Variants in PCDHGB5 observed in about 807,000 individuals in gnomAD.
The protein encoded by PCDHGB5 is protocadherin gamma subfamily B, 5.
A neutral mutation model predicts 62.9 loss-of-function variants in PCDHGB5; 48 were observed. That is an observed-to-expected ratio of 0.76 (90% CI 0.61 to 0.97). The LOEUF (loss-of-function observed/expected upper bound fraction) is 0.97. Among genes scored for constraint, PCDHGB5 ranks in the 50% least tolerant of loss-of-function variants. PCDHGB5 has a pLI of 0.00. For missense variants in PCDHGB5, 1,118 were observed against 1,198.6 expected (o/e 0.93, Z 0.99); for synonymous variants, 474 against 511.2 (o/e 0.93, Z 0.98).
intron 1 of PCDHGB5, among the ~76,000 whole-genome samples, chr5:141,425,915 C>G (rs537499239): frequency 1.3e-5 from 2 of 152,336 alleles, no homozygotes; most frequent in East Asian, 3.9e-4. Context: ...AAAACAGTCA[C>G]TACGAAAACT....
At chr5:141,494,365 C>A (rs193174055) in intron 1 of PCDHGB5, among the ~76,000 whole-genome samples, 20 of 152,290 alleles carry the variant, frequency 1.3e-4, no homozygotes, top group Non-Finnish European at 2.2e-4. Context: ...GCAGAGGATG[C>A]TTTGTTCCCA....
chr5:141,400,928 G>T (rs1365073405), intron 1 of PCDHGB5, among the ~76,000 whole-genome samples: 1 of 152,154 alleles, frequency 6.6e-6, no homozygotes, highest in African/African-American at 2.4e-5. Flanking sequence ...ACTGCTAGTA[G>T]ATGTCTTTCT....
At chr5:141,409,761 T>C (rs1373037367) in intron 1 of PCDHGB5, 1 of 1,612,966 alleles carries the variant, frequency 6.2e-7, no homozygotes, top group African/African-American at 1.3e-5. Flanking sequence ...CAGCGCGCCT[T>C]TGATCACGAG....
Position 141,431,858 on chromosome 5 carries a change from G to A in PCDHGB5, c.2397+31334G>A, listed in dbSNP as rs1421209596. The A allele has an allele frequency of 1.1e-5, 17 of 1,614,198 alleles. No individual in the cohort carries two copies. Among genetic ancestry groups the A allele is most frequent in the Non-Finnish European group, 1.4e-5 (17 of 1,180,020 alleles). On this transcript the variant is annotated intron_variant, in intron 1 of 3. Coordinates refer to ENST00000617380, the MANE Select transcript of PCDHGB5 (RefSeq NM_018925.3). The surrounding 1 kb of genome is among the most constrained non-coding windows in gnomAD (Gnocchi z 4.8). ...AAACTCTCCCAGAGGGACATTAATTGCCCTTTTAAATGTAAATGACCAAGA... is the reference window on the plus strand; with the variant it reads ...AAACTCTCCCAGAGGGACATTAATTACCCTTTTAAATGTAAATGACCAAGA...
Position 141,478,335 on chromosome 5 carries a change from C to T in PCDHGB5, c.2398-16472C>T, listed in dbSNP as rs202213361. On this transcript the variant is annotated intron_variant, in intron 1 of 3. Coordinates refer to ENST00000617380, the MANE Select transcript of PCDHGB5 (RefSeq NM_018925.3). ...AGCTCACTGTACCGAACACCAGGGC[C>T]CTCCTTGCACGCGGACGCCGTGCGG... 4.7e-5 allele frequency: 76 copies of T among 1,613,822 alleles called. No individual in the cohort carries two copies. The highest frequency in any genetic ancestry group is 6.1e-5 in the Non-Finnish European group (72 of 1,180,028).
chr5:141,404,533 T>A, intron 1 of PCDHGB5: 2 of 1,613,926 alleles, frequency 1.2e-6, no homozygotes. Flanking sequence ...AGTTTAGAGA[T>A]TTGCAAATGC....
rs57426385 is a variant in PCDHGB5 at position 141,415,740 on chromosome 5, G to GTTTTT, written c.2397+15244_2397+15248dup. 865 of 624,308 alleles carry GTTTTT rather than the reference G, an allele frequency of 1.4e-3. 3 individuals carry two copies. Among genetic ancestry groups the GTTTTT allele is most frequent in the South Asian group, 2.2e-3 (75 of 34,868 alleles). The allele number at this position is 624,308 out of a possible 1,614,324, so 38.7% of individuals were successfully genotyped here. A position where few individuals can be genotyped will look rare whatever the true frequency, so the allele number is the denominator to read the frequency against. ...TGAGTAGAATTTGATGTTTATTAAG[G>GTTTTT]TTTTTTTTTTTTTTTTTTTTTTTTT... is the stretch of plus-strand genomic sequence containing the variant. On this transcript the variant is annotated intron_variant, in intron 1 of 3. Transcript: ENST00000617380.
At chr5:141,427,450 CT>C in intron 1 of PCDHGB5, 1 of 486,442 alleles carries the variant, frequency 2.1e-6, no homozygotes, top group South Asian at 1.5e-5. Flanking sequence ...GAAAGAGTTC[CT>C]TTTAGAATCG....
At chr5:141,430,573 A>C (rs938248057) in intron 1 of PCDHGB5, 8 of 448,940 alleles carry the variant, frequency 1.8e-5, no homozygotes, top group Non-Finnish European at 3.0e-5. Context: ...AGAAAAGCGG[A>C]GATCCTGCTC....
chr5:141,505,413 C>G lies in PCDHGB5; in HGVS notation c.2477C>G (p.Thr826Ser). ...CCCAGCTCCCAAAATGGCGATGACA[C>G]CGGCACCTGGCCCAACAACCAGTTT... Reference protein sequence around the residue: ...GTSGSQNGDDTGTWPNNQFDT... With the variant: ...GTSGSQNGDDSGTWPNNQFDT... Residue 826 changes from threonine to serine, a missense_variant, in exon 3 of 4, where the codon ACC (threonine) becomes AGC (serine). Physicochemically the swap from Thr to Ser is moderately conservative, Grantham distance 58. Around this residue, in one of 2 missense-constraint regions of PCDHGB5, gnomAD observed 1,034 missense variants for 1,029.1 expected, o/e 1.00. Coordinates refer to ENST00000617380, the MANE Select transcript of PCDHGB5 (RefSeq NM_018925.3). 2.5e-6 allele frequency: 4 copies of G among 1,614,202 alleles called. No individual in the cohort carries two copies. In the South Asian group the frequency reaches 4.4e-5, roughly 18 times the overall value.
Position 141,491,650 on chromosome 5 carries a change from G to C in PCDHGB5, c.2398-3157G>C, listed in dbSNP as rs1283977913. On this transcript the variant is annotated intron_variant, in intron 1 of 3. Coordinates refer to ENST00000617380, the MANE Select transcript of PCDHGB5 (RefSeq NM_018925.3). The surrounding 1 kb of genome is among the most constrained non-coding windows in gnomAD (Gnocchi z 6.9). ...TCAGCAGCCCACAGCTCTGGCGCTG[G>C]AGCCTGACGCCATCCGGTCCCGCTC... The C allele has an allele frequency of 6.2e-7, 1 of 1,613,876 alleles. No individual in the cohort carries two copies. The highest frequency in any genetic ancestry group is 1.7e-5 in the Admixed American group (1 of 60,034).
In PCDHGB5 at chr5:141,438,615, TATATATATATATATATATATACACAC is replaced by T. The variant is rs1337184558; in HGVS notation, c.2397+38093_2397+38118del. ...ACATATATATATATATATATATATATATATATATATATATATATATACACACACACACACACATATATGTATATATA... is the reference window on the plus strand; with the variant it reads ...ACATATATATATATATATATATATATACACACACACATATATGTATATATA... On this transcript the variant is annotated intron_variant, in intron 1 of 3. Coordinates refer to ENST00000617380, the MANE Select transcript of PCDHGB5 (RefSeq NM_018925.3). 3.6e-3 allele frequency among the ~76,000 whole-genome samples: 130 copies of T among 35,912 alleles called. 2 individuals are homozygous for T. Among genetic ancestry groups the T allele is most frequent in the African/African-American group, 0.022 (107 of 4,918 alleles). The allele number at this position is 35,912 out of a possible 152,430, so 23.6% of individuals were successfully genotyped here.
chr5:141,416,006 G>A, intron 1 of PCDHGB5: 1 of 253,216 alleles, frequency 3.9e-6, no homozygotes, highest in Non-Finnish European at 7.3e-6. Context: ...GGTCTGGTAA[G>A]AATAGGTAAG....
rs2093675414 is a variant in PCDHGB5, at chr5:141,398,587, C to A, written c.460C>A (p.Leu154Ile). The change falls in exon 1 of 4, where the codon CTA (leucine) becomes ATA (isoleucine). Residue 154 changes from leucine to isoleucine, a missense_variant. Around this residue, in one of 2 missense-constraint regions of PCDHGB5, gnomAD observed 1,034 missense variants for 1,029.1 expected, o/e 1.00. Transcript: ENST00000617380. ...ESAQPGTRFI[L>I]EVAEDADIGL... Reference sequence around the variant, plus strand: ...TGCACAGCCTGGCACAAGATTTATACTAGAAGTAGCAGAAGATGCAGATAT... The same window carrying A: ...TGCACAGCCTGGCACAAGATTTATAATAGAAGTAGCAGAAGATGCAGATAT... 1 of 1,613,860 alleles carries A rather than the reference C, an allele frequency of 6.2e-7. No individual in the cohort carries two copies.
intron 1 of PCDHGB5, chr5:141,414,744 C>T (rs1381345965): frequency 6.2e-7 from 1 of 1,614,210 alleles, no homozygotes; most frequent in Non-Finnish European, 8.5e-7. Context: ...CACTCAGATC[C>T]TTCGACTATG....
chr5:141,415,336 C>T (rs746539261), intron 1 of PCDHGB5: 5 of 1,614,200 alleles, frequency 3.1e-6, no homozygotes, highest in South Asian at 2.2e-5. Flanking sequence ...GCACAGGCTG[C>T]GGCGCTGGCA....
chr5:141,477,642 A>G lies in PCDHGB5; in HGVS notation c.2398-17165A>G, dbSNP rs767152121. On this transcript the variant is annotated intron_variant, in intron 1 of 3. Transcript: ENST00000617380. The surrounding 1 kb of genome is among the most constrained non-coding windows in gnomAD (Gnocchi z 4.9). ...GCTGAAACCGGGCTAGTGGGTCGCT[A>G]TTTCACAATAAATCGTGACAATGGC... 9 of 1,614,136 alleles carry G rather than the reference A, an allele frequency of 5.6e-6. No individual in the cohort carries two copies. Among genetic ancestry groups the G allele is most frequent in the Non-Finnish European group, 7.6e-6 (9 of 1,180,022 alleles).
intron 1 of PCDHGB5, among the ~76,000 whole-genome samples, chr5:141,457,480 G>T (rs566798464): frequency 6.6e-6 from 1 of 152,148 alleles, no homozygotes; most frequent in African/African-American, 2.4e-5. Context: ...GCAGGGCCAG[G>T]GTTAGTCTAA....
chr5:141,418,754 G>A (rs748707880), intron 1 of PCDHGB5: 1 of 1,613,926 alleles, frequency 6.2e-7, no homozygotes, highest in South Asian at 1.1e-5. Context: ...TTACACTACA[G>A]GAAACATTCT....
Sources: gnomAD v4.1 joint callset for allele counts (sites outside exome capture counted in the v4.1 genomes callset) on GRCh38, gnomAD v4.1.1 for gene constraint, gnomAD v4.1.1 regional missense constraint, Gnocchi (gnomAD v3.1) non-coding constraint, MANE v1.5 for transcripts, NCBI Gene and HGNC (gene_info 2026-07-23, HGNC 2026-07-21) for gene names.